CDH18: variants seen among roughly 807,000 people sequenced by gnomAD.
CDH18 encodes cadherin 18, also known as cadherin-18.
Under a neutral mutation model 67.9 loss-of-function variants are expected in CDH18, and 31 were observed. That is an observed-to-expected ratio of 0.46 (90% CI 0.34 to 0.62). The LOEUF (loss-of-function observed/expected upper bound fraction) is 0.62, where lower values mean the gene tolerates loss of function less well. Ranked by LOEUF, CDH18 falls within the 20% of genes least tolerant of loss-of-function variation. CDH18 has a pLI of 0.01. For synonymous variants in CDH18, 362 were observed against 347.2 expected (o/e 1.04, Z -0.48); for missense variants, 890 against 975.5 (o/e 0.91, Z 1.17).
intron 1 of CDH18, among the ~76,000 whole-genome samples, chr5:20,419,911 A>G (rs961527384): frequency 1.3e-5 from 2 of 151,212 alleles, no homozygotes; most frequent in Non-Finnish European, 2.9e-5. Context: ...AATTGTTCAG[A>G]AAAAACGACA....
chr5:20,382,387 CTT>C (rs987095589), intron 1 of CDH18, among the ~76,000 whole-genome samples: 1 of 151,942 alleles, frequency 6.6e-6, no homozygotes, highest in African/African-American at 2.4e-5. Flanking sequence ...GAATGGAAGG[CTT>C]TTTGTTTTTT....
At chr5:19,859,720 C>G (rs1192364667) in intron 2 of CDH18, among the ~76,000 whole-genome samples, 1 of 152,162 alleles carries the variant, frequency 6.6e-6, no homozygotes, top group Non-Finnish European at 1.5e-5. Flanking sequence ...GTTGTCCTGC[C>G]TTTCTGGACC....
chr5:20,381,090 T>C (rs1379337180), intron 1 of CDH18, among the ~76,000 whole-genome samples: 2 of 151,996 alleles, frequency 1.3e-5, no homozygotes, highest in Non-Finnish European at 2.9e-5. Context: ...ACACAGGCCA[T>C]GAGCAGGCAC....
At chr5:20,438,117 TAGACAAAA>T (rs1749313568) in intron 1 of CDH18, among the ~76,000 whole-genome samples, 1 of 151,208 alleles carries the variant, frequency 6.6e-6, no homozygotes. Context: ...GCAAGTCAAA[TAGACAAAA>T]AGAACATGCT....
At chr5:19,841,719 T>C (rs1181662082) in intron 2 of CDH18, among the ~76,000 whole-genome samples, 4 of 152,154 alleles carry the variant, frequency 2.6e-5, no homozygotes, top group Non-Finnish European at 5.9e-5. Flanking sequence ...TGCTAAGTTG[T>C]TTAACAAAGC....
At chr5:19,940,074 T>C (rs1016129198) in intron 2 of CDH18, among the ~76,000 whole-genome samples, 2 of 151,870 alleles carry the variant, frequency 1.3e-5, no homozygotes, top group African/African-American at 4.8e-5. Context: ...TGTCACTTTT[T>C]TCTTACTTAT....
intron 1 of CDH18, among the ~76,000 whole-genome samples, chr5:20,328,117 A>C (rs1217705039): frequency 1.3e-5 from 2 of 151,888 alleles, no homozygotes; most frequent in Non-Finnish European, 2.9e-5. Flanking sequence ...ATGAGGGAGG[A>C]AGGAAGCCTT....
chr5:20,407,497 G>GAAAAAAAAA (rs72455204), intron 1 of CDH18, among the ~76,000 whole-genome samples: 2 of 137,822 alleles, frequency 1.5e-5, no homozygotes, highest in African/African-American at 2.7e-5. Flanking sequence ...CACCAATGAG[G>GAAAAAAAAA]AAAAAAAAAA....
intron 2 of CDH18, among the ~76,000 whole-genome samples, chr5:20,081,106 A>G (rs532509663): frequency 6.6e-6 from 1 of 152,292 alleles, no homozygotes; most frequent in South Asian, 2.1e-4. Flanking sequence ...AAGAGATTAA[A>G]TATGTTTTCT....
intron 3 of CDH18, among the ~76,000 whole-genome samples, chr5:19,751,114 G>C (rs916441622): frequency 2.0e-5 from 3 of 152,038 alleles, no homozygotes; most frequent in African/African-American, 7.2e-5. Flanking sequence ...GTAACCTATG[G>C]CACTTAGAAA....
intron 9 of CDH18, 49 bp from the exon 10 acceptor site, chr5:19,520,827 G>A (rs1746784960): frequency 1.3e-6 from 2 of 1,593,150 alleles, no homozygotes; most frequent in Non-Finnish European, 1.7e-6. Context: ...ACACTTTAGA[G>A]GCTCGGTTTA....
intron 3 of CDH18, among the ~76,000 whole-genome samples, chr5:19,803,124 A>G (rs373083586): frequency 1.3e-5 from 2 of 152,218 alleles, no homozygotes; most frequent in African/African-American, 4.8e-5. Context: ...TTTGGGTACA[A>G]ATACTCCACA....
intron 2 of CDH18, among the ~76,000 whole-genome samples, chr5:20,037,834 G>C (rs755275399): frequency 6.6e-6 from 1 of 151,974 alleles, no homozygotes; most frequent in East Asian, 1.9e-4. Flanking sequence ...GCTAGCAAAA[G>C]ACAAGAAATA....
chr5:20,128,985 A>G (rs1749048782), intron 2 of CDH18, among the ~76,000 whole-genome samples: 1 of 152,038 alleles, frequency 6.6e-6, no homozygotes, highest in Non-Finnish European at 1.5e-5. Context: ...ACCTGGCCAT[A>G]GTTGACTGGG....
chr5:20,128,586 C>T (rs1481239450), intron 2 of CDH18, among the ~76,000 whole-genome samples: 14 of 152,040 alleles, frequency 9.2e-5, no homozygotes, highest in Admixed American at 9.2e-4. Context: ...ATTGTCCACA[C>T]ATTTCTCTAT....
chr5:20,534,829 GTATTTATTTATT>G (rs3039357), intron 1 of CDH18, among the ~76,000 whole-genome samples: 2 of 148,014 alleles, frequency 1.4e-5, no homozygotes, highest in South Asian at 2.1e-4. Context: ...CTAAATACAT[GTATTTATTTATT>G]TATTTATTTA....
Position 19,909,181 on chromosome 5 carries a change from C to T in CDH18, c.-256-69939G>A, listed in dbSNP as rs1468576642. ...CACGTTTCCTGGTGAACTGAAATCC[C>T]AATTAGTCAGCAACTCCACAATATA... is the stretch of plus-strand genomic sequence containing the variant. On this transcript the variant is annotated intron_variant, in intron 2 of 12. Coordinates refer to ENST00000382275, the MANE Select transcript of CDH18 (RefSeq NM_004934.5). 5.9e-5 allele frequency among the ~76,000 whole-genome samples: 9 copies of T among 152,094 alleles called. 1 individual carries two copies. The highest frequency in any genetic ancestry group is 1.2e-4 in the Non-Finnish European group (8 of 68,008).
At chr5:20,346,702 C>G (rs1016612176) in intron 1 of CDH18, among the ~76,000 whole-genome samples, 1 of 152,062 alleles carries the variant, frequency 6.6e-6, no homozygotes, top group Non-Finnish European at 1.5e-5. Context: ...AAGTCCCTTC[C>G]CATTAAGAAC....
At chr5:19,727,816 T>C (rs981542742) in intron 4 of CDH18, among the ~76,000 whole-genome samples, 1 of 152,206 alleles carries the variant, frequency 6.6e-6, no homozygotes, top group African/African-American at 2.4e-5. Context: ...TAGATTACAG[T>C]AAATAAAGAT....
Sources: gnomAD v4.1 joint callset for allele counts (sites outside exome capture counted in the v4.1 genomes callset) on GRCh38, gnomAD v4.1.1 for gene constraint, MANE v1.5 for transcripts, NCBI Gene and HGNC (gene_info 2026-07-23, HGNC 2026-07-21) for gene names.